Variants in H2BK1 observed in about 807,000 individuals in gnomAD.
The protein encoded by H2BK1 is histone H2B type 2-K1.
At chr7:151,210,256 G>C in the H2BK1 span, 1 of 399,268 alleles carries the variant, frequency 2.5e-6, no homozygotes, top group East Asian at 3.6e-5. Context: ...TGGACTTTTT[G>C]TTCCCAGAAC....
the H2BK1 span, chr7:151,207,852 A>AT: frequency 1.2e-6 from 1 of 850,724 alleles, no homozygotes; most frequent in Admixed American, 1.8e-5. Flanking sequence ...TTCACCCTTT[A>AT]TTTTTGTCAG....
the H2BK1 span, among the ~76,000 whole-genome samples, chr7:151,208,367 T>C: frequency 6.6e-6 from 1 of 152,254 alleles, no homozygotes; most frequent in Non-Finnish European, 1.5e-5. Flanking sequence ...GCTCCTTGTA[T>C]GAGCACACAC....
the H2BK1 span, among the ~76,000 whole-genome samples, chr7:151,209,334 C>T: frequency 6.6e-6 from 1 of 151,924 alleles, no homozygotes; most frequent in Non-Finnish European, 1.5e-5. Context: ...TCCCAGGCAC[C>T]CAGGTTGTCA....
the H2BK1 span, chr7:151,208,130 C>T: frequency 2.4e-4 from 378 of 1,566,622 alleles, no homozygotes; most frequent in Admixed American, 8.4e-5. Flanking sequence ...CAGCACCACT[C>T]GGTTAATGGA....
the H2BK1 span, chr7:151,208,160 G>A: frequency 1.0e-5 from 16 of 1,568,290 alleles, no homozygotes; most frequent in South Asian, 1.7e-4. Context: ...GGGAGGGGGG[G>A]TCCTGCCTAC....
the H2BK1 span, chr7:151,210,462 A>C: frequency 5.1e-6 from 2 of 392,878 alleles, no homozygotes; most frequent in Non-Finnish European, 8.9e-6. Context: ...CTCAATCCCA[A>C]TCCTGAACAT....
At chr7:151,210,302 C>T in the H2BK1 span, 1 of 399,052 alleles carries the variant, frequency 2.5e-6, no homozygotes, top group Non-Finnish European at 4.4e-6. Flanking sequence ...CTGCCGCTGT[C>T]CATACTCAGC....
chr7:151,209,952 CG>C, the H2BK1 span, among the ~76,000 whole-genome samples: 2 of 152,186 alleles, frequency 1.3e-5, no homozygotes, highest in African/African-American at 4.8e-5. Context: ...TCATCGTTCC[CG>C]TAAACTTCTG....
the H2BK1 span, chr7:151,208,164 T>C: frequency 1.0e-3 from 1,624 of 1,557,018 alleles, 3 homozygotes; most frequent in Non-Finnish European, 1.2e-3. Flanking sequence ...GGGGGGGTCC[T>C]GCCTACACTG....
chr7:151,210,250 C>T, the H2BK1 span: 1 of 399,332 alleles, frequency 2.5e-6, no homozygotes, highest in Non-Finnish European at 4.4e-6. Flanking sequence ...GCTTTTTGGA[C>T]TTTTTGTTCC....
the H2BK1 span, chr7:151,207,961 C>G: frequency 7.3e-7 from 1 of 1,377,688 alleles, no homozygotes; most frequent in Non-Finnish European, 1.0e-6. Context: ...GACGCACAGC[C>G]GTCTGGACTT....
chr7:151,208,137 T>C, the H2BK1 span: 1 of 1,577,378 alleles, frequency 6.3e-7, no homozygotes. Context: ...ACTCGGTTAA[T>C]GGAAGGGGCC....
chr7:151,210,319 C>T, the H2BK1 span: 1 of 398,200 alleles, frequency 2.5e-6, no homozygotes, highest in South Asian at 1.3e-4. Flanking sequence ...CAGCGCTCAT[C>T]CTCCTGCTTC....
At chr7:151,210,404 A>C in the H2BK1 span, 1 of 218,584 alleles carries the variant, frequency 4.6e-6, no homozygotes, top group Non-Finnish European at 7.8e-6. Context: ...GGCTGGGGAC[A>C]TGCACCTGGG....
chr7:151,208,647 A>G, the H2BK1 span, among the ~76,000 whole-genome samples: 1 of 152,266 alleles, frequency 6.6e-6, no homozygotes, highest in Middle Eastern at 3.4e-3. Flanking sequence ...TTGTGCATAT[A>G]ACTTGGTGGA....
At chr7:151,208,530 TTTG>T in the H2BK1 span, among the ~76,000 whole-genome samples, 4 of 152,228 alleles carry the variant, frequency 2.6e-5, no homozygotes, top group African/African-American at 7.2e-5. Context: ...TGGGGTGTTT[TTTG>T]TTGTTTTTGC....
At chr7:151,208,164 T>G in the H2BK1 span, 20 of 1,557,032 alleles carry the variant, frequency 1.3e-5, no homozygotes, top group East Asian at 4.5e-4. Flanking sequence ...GGGGGGGTCC[T>G]GCCTACACTG....
the H2BK1 span, among the ~76,000 whole-genome samples, chr7:151,209,314 A>G: frequency 8.1e-6 from 1 of 123,874 alleles, no homozygotes; most frequent in Non-Finnish European, 1.7e-5. Flanking sequence ...CCCCAACCCC[A>G]CAAGAGCATT....
chr7:151,210,415 A>C, the H2BK1 span: 1 of 244,434 alleles, frequency 4.1e-6, no homozygotes, highest in East Asian at 7.6e-5. Flanking sequence ...TGCACCTGGG[A>C]GGGGGGGGGG....
Sources: gnomAD v4.1 joint callset for allele counts (sites outside exome capture counted in the v4.1 genomes callset) on GRCh38, gnomAD v4.1.1 for gene constraint, MANE v1.5 for transcripts, NCBI Gene and HGNC (gene_info 2026-07-23, HGNC 2026-07-21) for gene names.